UBE3D: variants seen among roughly 807,000 people sequenced by gnomAD.
UBE3D encodes E3 ubiquitin-protein ligase E3D.
A neutral mutation model predicts 49.6 loss-of-function variants in UBE3D; 48 were observed. The ratio of observed to expected loss-of-function variants is 0.97; its 90% CI spans 0.77 to 1.23. UBE3D has a LOEUF of 1.23. Among genes scored for constraint, UBE3D ranks in the 50% most tolerant of loss-of-function variants. The pLI, the probability that UBE3D is intolerant of heterozygous loss-of-function variation, is 0.00. For missense variants in UBE3D, 452 were observed against 468.4 expected, an observed-to-expected ratio of 0.96 and a Z score of 0.32; for synonymous variants, 189 against 174.2, an observed-to-expected ratio of 1.08 and a Z score of -0.67.
At position 82,931,325 on chromosome 6, in the gene UBE3D, G is replaced by T. The variant is rs190673846; in HGVS notation, c.1149+25987C>A. 2.0e-3 allele frequency among the ~76,000 whole-genome samples: 304 copies of T among 152,348 alleles called. 3 individuals are homozygous for T. Among genetic ancestry groups the T allele is most frequent in the African/African-American group, 7.0e-3 (291 of 41,592 alleles). ...TGTGGGAGGGAAATGTGGGGTCGGA[G>T]CCCCGACCCAGAGTCCCCACTGGTG... On this transcript the variant is annotated intron_variant, in intron 9 of 9. Transcript: ENST00000369747.
chr6:82,901,694 A>G (rs1771749993), intron 9 of UBE3D, among the ~76,000 whole-genome samples: 1 of 152,138 alleles, frequency 6.6e-6, no homozygotes. Context: ...ACCAGTGCAA[A>G]CTCAAAGGTG....
At chr6:82,955,211 T>C (rs1004781910) in intron 9 of UBE3D, among the ~76,000 whole-genome samples, 3 of 152,202 alleles carry the variant, frequency 2.0e-5, no homozygotes, top group African/African-American at 7.2e-5. Context: ...GGAAGAAATA[T>C]AGATTGGTCT....
At chr6:82,967,171 T>C (rs1188741757) in intron 8 of UBE3D, among the ~76,000 whole-genome samples, 1 of 152,208 alleles carries the variant, frequency 6.6e-6, no homozygotes, top group Non-Finnish European at 1.5e-5. Flanking sequence ...CTGAGATAAT[T>C]GTAGAGTCAC....
chr6:82,927,212 T>TC (rs1255821358), intron 9 of UBE3D, among the ~76,000 whole-genome samples: 14 of 58,730 alleles, frequency 2.4e-4, no homozygotes, highest in Non-Finnish European at 3.4e-4. Context: ...GATCTATTTG[T>TC]CTTTTTTTTT....
chr6:82,891,141 C>T (rs137914063), downstream of UBE3D, among the ~76,000 whole-genome samples: 144 of 152,324 alleles, frequency 9.5e-4, no homozygotes, highest in African/African-American at 3.4e-3. Context: ...ATACACAACT[C>T]CATAGACAGT....
intron 8 of UBE3D, among the ~76,000 whole-genome samples, chr6:82,958,677 T>C (rs1240812307): frequency 3.3e-5 from 5 of 152,244 alleles, no homozygotes; most frequent in Non-Finnish European, 5.9e-5. Flanking sequence ...GTCCAGTTTT[T>C]GTGTAGGGGA....
chr6:82,971,286 A>G (rs1777335160), intron 8 of UBE3D, among the ~76,000 whole-genome samples: 1 of 152,132 alleles, frequency 6.6e-6, no homozygotes, highest in Admixed American at 6.5e-5. Context: ...ACATTACCAG[A>G]GGAAATCAGT....
At chr6:83,011,617 T>A (rs563312345) in intron 8 of UBE3D, among the ~76,000 whole-genome samples, 1 of 152,176 alleles carries the variant, frequency 6.6e-6, no homozygotes, top group Non-Finnish European at 1.5e-5. Flanking sequence ...TCCAGGTCAA[T>A]CACCCCGGCC....
downstream of UBE3D, among the ~76,000 whole-genome samples, chr6:82,890,174 C>T (rs1770954828): frequency 6.6e-6 from 1 of 152,044 alleles, no homozygotes; most frequent in Non-Finnish European, 1.5e-5. Flanking sequence ...TTCTGTGTAG[C>T]CCTCCCAGCA....
In UBE3D at chr6:82,892,985, C is replaced by T. The variant is rs1367476920; in HGVS notation, c.*37G>A. 6.2e-7 allele frequency: 1 copy of T among 1,613,282 alleles called. No homozygotes were observed. The highest frequency in any genetic ancestry group is 8.5e-7 in the Non-Finnish European group (1 of 1,179,656). On this transcript the variant is annotated 3_prime_UTR_variant, in exon 10 of 10. Coordinates refer to ENST00000369747, the MANE Select transcript of UBE3D (RefSeq NM_198920.3). Reference sequence around the variant, plus strand: ...GCCTCGGTGTGCTCCTGCTTGAGAGCTGTCTGCCGGGGGAGGAGAATGCCC... The same window carrying T: ...GCCTCGGTGTGCTCCTGCTTGAGAGTTGTCTGCCGGGGGAGGAGAATGCCC...
At chr6:82,894,822 CTACA>C (rs1477865471) in intron 9 of UBE3D, among the ~76,000 whole-genome samples, 1 of 152,162 alleles carries the variant, frequency 6.6e-6, no homozygotes, top group Non-Finnish European at 1.5e-5. Flanking sequence ...CATTCTGCTT[CTACA>C]TAGACAGTTT....
chr6:82,970,279 G>A (rs1419364397), intron 8 of UBE3D, among the ~76,000 whole-genome samples: 2 of 151,558 alleles, frequency 1.3e-5, no homozygotes, highest in East Asian at 3.9e-4. Flanking sequence ...AGGCATATAT[G>A]TAAAAATAAA....
chr6:82,976,861 T>C (rs569118559), intron 8 of UBE3D, among the ~76,000 whole-genome samples: 2 of 152,174 alleles, frequency 1.3e-5, no homozygotes, highest in East Asian at 1.9e-4. Flanking sequence ...ACGCCTGTAA[T>C]CCCAGCACTT....
intron 9 of UBE3D, among the ~76,000 whole-genome samples, chr6:82,935,329 C>A (rs1025877283): frequency 6.6e-5 from 10 of 152,192 alleles, no homozygotes; most frequent in African/African-American, 2.4e-4. Flanking sequence ...CCATGCCATT[C>A]ATGAGAGATA....
chr6:83,043,428 C>T (rs968086044), intron 4 of UBE3D, among the ~76,000 whole-genome samples: 5 of 152,064 alleles, frequency 3.3e-5, no homozygotes, highest in African/African-American at 1.2e-4. Flanking sequence ...TAAAGTACTA[C>T]ATTTCACCAA....
chr6:83,000,488 TTC>T (rs1779545797), intron 8 of UBE3D, among the ~76,000 whole-genome samples: 1 of 152,156 alleles, frequency 6.6e-6, no homozygotes, highest in Non-Finnish European at 1.5e-5. Context: ...CTAAAATAAT[TTC>T]TCTTAGGCTA....
At chr6:82,913,867 G>A (rs1431436488) in intron 9 of UBE3D, among the ~76,000 whole-genome samples, 1 of 152,182 alleles carries the variant, frequency 6.6e-6, no homozygotes. Flanking sequence ...TCTAGCCTGA[G>A]TGAAAGGAAA....
chr6:83,047,857 C>T (rs971280508), intron 3 of UBE3D, among the ~76,000 whole-genome samples: 6 of 151,954 alleles, frequency 3.9e-5, no homozygotes, highest in South Asian at 4.2e-4. Context: ...CCCAGGCGGG[C>T]GGATTACGAG....
chr6:83,020,278 C>T (rs1780992107), intron 7 of UBE3D, among the ~76,000 whole-genome samples: 1 of 151,236 alleles, frequency 6.6e-6, no homozygotes, highest in Non-Finnish European at 1.5e-5. Context: ...CTAATAAAAA[C>T]AATCCTCATG....
Sources: gnomAD v4.1 joint callset for allele counts (sites outside exome capture counted in the v4.1 genomes callset) on GRCh38, gnomAD v4.1.1 for gene constraint, MANE v1.5 for transcripts, NCBI Gene and HGNC (gene_info 2026-07-23, HGNC 2026-07-21) for gene names.